The following EYA1 variants were observed in gnomAD, a reference collection of about 807,000 sequenced individuals.
The protein encoded by EYA1 is EYA transcriptional coactivator and phosphatase 1.
In EYA1, 16 loss-of-function variants were observed where a neutral mutation model predicts 82.0. That is an observed-to-expected ratio of 0.20 (90% CI 0.13 to 0.30). The LOEUF (loss-of-function observed/expected upper bound fraction) is 0.30. Ranked by LOEUF, EYA1 falls within the 10% of genes least tolerant of loss-of-function variation. The probability of loss-of-function intolerance (pLI) is 1.00; values close to 1 mark genes in which losing one functional copy is unlikely to be tolerated. For synonymous variants in EYA1, 261 were observed against 264.4 expected (o/e 0.99, Z 0.12); for missense variants, 633 against 730.7 (o/e 0.87, Z 1.54).
chr8:71,532,604 A>G (rs191073503), intron 2 of EYA1, among the ~76,000 whole-genome samples: 5 of 152,176 alleles, frequency 3.3e-5, no homozygotes, highest in African/African-American at 1.2e-4. Flanking sequence ...GTGTGAAAAA[A>G]CTTTCAAGAA....
chr8:71,484,750 C>G (rs2129216444), intron 2 of EYA1, among the ~76,000 whole-genome samples: 1 of 152,352 alleles, frequency 6.6e-6, no homozygotes, highest in Admixed American at 6.5e-5. Context: ...TACTTCCTGT[C>G]CCAGGGAGCT....
intron 11 of EYA1, among the ~76,000 whole-genome samples, chr8:71,249,061 G>T (rs917591644): frequency 6.6e-6 from 1 of 152,076 alleles, no homozygotes; most frequent in African/African-American, 2.4e-5. Flanking sequence ...AAATTATTTA[G>T]AGCTTTGCCT....
At position 71,407,401 on chromosome 8, in the gene EYA1, A is replaced by G. The variant is rs1452640280; in HGVS notation, c.34-50890T>C. On this transcript the variant is annotated intron_variant, in intron 2 of 18. Transcript: ENST00000643681. ...ATGACTTTGACGAGCTGAGAGAAGA[A>G]GGTTTCAGACGATCAAATTACTCTG... Among the ~76,000 whole-genome samples, 3 of 147,070 alleles carry G rather than the reference A, an allele frequency of 2.0e-5. No individual in the cohort carries two copies. In the Admixed American group the frequency reaches 2.0e-4, roughly 10 times the overall value.
intron 4 of EYA1, among the ~76,000 whole-genome samples, chr8:71,328,333 G>A (rs889682657): frequency 1.3e-5 from 2 of 152,152 alleles, no homozygotes; most frequent in African/African-American, 2.4e-5. Context: ...AAAAGAGAGA[G>A]AAAAGAAAAT....
intron 2 of EYA1, among the ~76,000 whole-genome samples, chr8:71,398,455 G>T (rs1452005111): frequency 6.6e-6 from 1 of 152,132 alleles, no homozygotes; most frequent in African/African-American, 2.4e-5. Flanking sequence ...TTTGATGTTG[G>T]TGACGTACAG....
chr8:71,448,322 G>A (rs1807066595), intron 2 of EYA1, among the ~76,000 whole-genome samples: 1 of 152,138 alleles, frequency 6.6e-6, no homozygotes, highest in Admixed American at 6.5e-5. Flanking sequence ...CAATAAGAGT[G>A]GATTCCCTCT....
chr8:71,410,040 T>C (rs1830495829), intron 2 of EYA1, among the ~76,000 whole-genome samples: 1 of 152,080 alleles, frequency 6.6e-6, no homozygotes, highest in Non-Finnish European at 1.5e-5. Flanking sequence ...TCAAGTGGGC[T>C]TCATCCCTGG....
chr8:71,406,502 G>A (rs922533356), intron 2 of EYA1, among the ~76,000 whole-genome samples: 5 of 152,200 alleles, frequency 3.3e-5, no homozygotes, highest in African/African-American at 1.2e-4. Context: ...AGTGGGCGCA[G>A]GCCAGTGGGT....
At chr8:71,465,344 C>T (rs73298385) in intron 2 of EYA1, among the ~76,000 whole-genome samples, 23,253 of 152,056 alleles carry the variant, frequency 0.15, 3,165 homozygotes, top group East Asian at 0.48. Context: ...AAGAAGAGGC[C>T]GGGTGTGGTA....
chr8:71,212,875 G>C (rs570491174), intron 16 of EYA1, among the ~76,000 whole-genome samples: 1 of 152,262 alleles, frequency 6.6e-6, no homozygotes, highest in African/African-American at 2.4e-5. Context: ...TCAGGAGTCT[G>C]AGACCAGCCT....
chr8:71,268,558 T>A (rs1181179848), intron 11 of EYA1, among the ~76,000 whole-genome samples: 1 of 152,224 alleles, frequency 6.6e-6, no homozygotes, highest in Non-Finnish European at 1.5e-5. Context: ...TATGGCCTTA[T>A]ATTTTATAAT....
At chr8:71,346,699 T>A (rs1001832676) in intron 3 of EYA1, among the ~76,000 whole-genome samples, 1 of 152,034 alleles carries the variant, frequency 6.6e-6, no homozygotes, top group Non-Finnish European at 1.5e-5. Context: ...TCACTATAGA[T>A]CAAATTCAAA....
At chr8:71,286,865 C>G (rs1349531566) in intron 9 of EYA1, among the ~76,000 whole-genome samples, 1 of 146,652 alleles carries the variant, frequency 6.8e-6, no homozygotes, top group Non-Finnish European at 1.5e-5. Flanking sequence ...TGCAGTGGCA[C>G]GATCTCAGTT....
intron 2 of EYA1, among the ~76,000 whole-genome samples, chr8:71,493,555 G>C (rs1309723362): frequency 6.6e-6 from 1 of 152,044 alleles, no homozygotes; most frequent in Non-Finnish European, 1.5e-5. Context: ...ACTGTCATAG[G>C]AACTTTCTGA....
intron 2 of EYA1, among the ~76,000 whole-genome samples, chr8:71,446,658 G>A (rs1806901759): frequency 6.6e-6 from 1 of 152,092 alleles, no homozygotes; most frequent in South Asian, 2.1e-4. Context: ...ATTCACACTT[G>A]GCATAAATGT....
chr8:71,276,838 A>G (rs1238139697), intron 9 of EYA1, among the ~76,000 whole-genome samples: 1 of 152,206 alleles, frequency 6.6e-6, no homozygotes, highest in African/African-American at 2.4e-5. Context: ...TACTAGTAGT[A>G]TTGCTTGCTC....
At position 71,198,030 on chromosome 8, in the gene EYA1, C is replaced by G. The variant is rs147323889; in HGVS notation, c.*1310G>C. ...GGGTGACAGGAAGAAAGAGAAAATA[C>G]GCACATAGGGAGTAATGCAAAGTTT... On this transcript the variant is annotated 3_prime_UTR_variant, in exon 18 of 18. Coordinates refer to ENST00000340726, the MANE Select transcript of EYA1 (RefSeq NM_000503.6). 6.6e-6 allele frequency: 1 copy of G among 152,126 alleles called. No homozygotes were observed. The highest frequency in any genetic ancestry group is 1.5e-5 in the Non-Finnish European group (1 of 68,022). 9.4% of individuals were successfully genotyped at this position (152,126 alleles called of 1,614,324 possible).
chr8:71,381,791 C>T (rs1235969604), intron 2 of EYA1, among the ~76,000 whole-genome samples: 1 of 152,220 alleles, frequency 6.6e-6, no homozygotes. Flanking sequence ...CCTACACACA[C>T]TCAACTCCCT....
intron 12 of EYA1, among the ~76,000 whole-genome samples, chr8:71,223,382 T>C (rs765996954): frequency 1.1e-4 from 16 of 152,212 alleles, no homozygotes; most frequent in Non-Finnish European, 4.4e-5. Flanking sequence ...GGTCTACCCT[T>C]GCCAGCCTTC....
Sources: allele counts gnomAD v4.1 joint callset (sites outside exome capture counted in the v4.1 genomes callset), GRCh38; gene constraint gnomAD v4.1.1; transcripts MANE v1.5; gene names NCBI Gene and HGNC (gene_info 2026-07-23, HGNC 2026-07-21).